Variants in STAT1 observed in about 807,000 individuals in gnomAD.
STAT1 encodes the protein signal transducer and activator of transcription 1-alpha/beta.
In STAT1, 24 loss-of-function variants were observed where a neutral mutation model predicts 111.7. That is an observed-to-expected ratio of 0.21 (90% CI 0.16 to 0.30). The LOEUF is 0.30. Ranked by LOEUF, STAT1 falls within the 10% of genes least tolerant of loss-of-function variation. The pLI, the probability that STAT1 is intolerant of heterozygous loss-of-function variation, is 1.00. For synonymous variants in STAT1, 332 were observed against 326.5 expected (o/e 1.02, Z -0.18); for missense variants, 351 against 911.9 (o/e 0.38, Z 7.92).
In STAT1 at chr2:190,978,733, G is replaced by A; in HGVS notation, c.1873+123C>T. The A allele has an allele frequency of 7.8e-7, 1 of 1,289,800 alleles. No individual in the cohort carries two copies. The highest frequency in any genetic ancestry group is 1.1e-6 in the Non-Finnish European group (1 of 919,198). 79.9% of individuals were successfully genotyped at this position (1,289,800 alleles called of 1,614,324 possible). On this transcript the variant is annotated intron_variant, in intron 21 of 24. Coordinates refer to ENST00000361099, the MANE Select transcript of STAT1 (RefSeq NM_007315.4). The surrounding 1 kb of genome is among the most constrained non-coding windows in gnomAD (Gnocchi z 6.1). Reference sequence around the variant, plus strand: ...TAAATCCTATCGGGGGCTCATTTGGGGTAAGTATAAGATCTGCAATTTCAT... The same window carrying A: ...TAAATCCTATCGGGGGCTCATTTGGAGTAAGTATAAGATCTGCAATTTCAT...
chr2:190,997,755 G>A lies in STAT1; in HGVS notation c.785+101C>T, dbSNP rs1693964562. ...GGACTATGTCAAACTCTATACTAAT[G>A]TTTTGACAGGGTCCATTCAACTAAC... On this transcript the variant is annotated intron_variant, in intron 9 of 24. Coordinates refer to ENST00000361099, the MANE Select transcript of STAT1 (RefSeq NM_007315.4). The surrounding 1 kb of genome is among the most constrained non-coding windows in gnomAD (Gnocchi z 7.3). 3.2e-6 allele frequency: 5 copies of A among 1,540,706 alleles called. No homozygotes were observed. The Admixed American group carries it at 5.1e-5, about 16-fold the overall frequency.
At position 190,977,431 on chromosome 2, in the gene STAT1, A is replaced by G. The variant is rs1280170298; in HGVS notation, c.1874-406T>C. Among the ~76,000 whole-genome samples the G allele has an allele frequency of 6.6e-6, 1 of 152,216 alleles. No homozygotes were observed. Among genetic ancestry groups the G allele is most frequent in the Non-Finnish European group, 1.5e-5 (1 of 68,042 alleles). ...AAACTCACTTTGTTTTTCTTTTCAT[A>G]TTGAAAAATCTAATTTTTTATTAAA... On this transcript the variant is annotated intron_variant, in intron 21 of 24. Transcript: ENST00000361099. This position sits in a 1 kb window ranked among gnomAD's most constrained non-coding sequence, Gnocchi z 4.7.
In STAT1 at chr2:190,992,192, G is replaced by GAA. The variant is rs1286157201; in HGVS notation, c.945-874_945-873dup. On this transcript the variant is annotated intron_variant, in intron 10 of 24. Coordinates refer to ENST00000361099, the MANE Select transcript of STAT1 (RefSeq NM_007315.4). Reference sequence around the variant, plus strand: ...ATCTTTCCATTTATAACTCTACAAGGAAGAACTAGCAAATCAGATCTTACA... The same window carrying GAA: ...ATCTTTCCATTTATAACTCTACAAGGAAAAGAACTAGCAAATCAGATCTTACA... 2.0e-5 allele frequency among the ~76,000 whole-genome samples: 3 copies of GAA among 152,096 alleles called. No individual in the cohort carries two copies. The East Asian group carries it at 5.8e-4, about 29-fold the overall frequency.
Position 190,982,887 on chromosome 2 carries a change from G to A in STAT1, c.1447-369C>T, listed in dbSNP as rs1692495696. Among the ~76,000 whole-genome samples the A allele has an allele frequency of 1.3e-5, 2 of 152,122 alleles. No homozygotes were observed. The highest frequency in any genetic ancestry group is 4.8e-5 in the African/African-American group (2 of 41,424). ...CTGTTTCACCTCTCATAAGAAAAAC[G>A]TGTCCTTTTTGAAGCCTATTTAGCG... On this transcript the variant is annotated intron_variant, in intron 17 of 24. Coordinates refer to ENST00000361099, the MANE Select transcript of STAT1 (RefSeq NM_007315.4). This position sits in a 1 kb window ranked among gnomAD's most constrained non-coding sequence, Gnocchi z 7.3.
At position 191,014,063 on chromosome 2, in the gene STAT1, A is replaced by G; in HGVS notation, c.-201T>C. On this transcript the variant is annotated 5_prime_UTR_variant, in exon 1 of 25. Transcript: ENST00000361099. ...GGGCTAGGCGGGGGCGCGGCGGTGC[A>G]GCCTCTCCCGAGCGCGCTGGGTCGC... The G allele has an allele frequency of 1.2e-5, 2 of 170,302 alleles. 1 individual carries two copies. Among genetic ancestry groups the G allele is most frequent in the East Asian group, 3.1e-4 (2 of 6,486 alleles). 10.5% of individuals were successfully genotyped at this position (170,302 alleles called of 1,614,324 possible).
Position 190,990,684 on chromosome 2 carries a change from G to A in STAT1, c.1037+544C>T, listed in dbSNP as rs1693249476. On this transcript the variant is annotated intron_variant, in intron 11 of 24. Coordinates refer to ENST00000361099, the MANE Select transcript of STAT1 (RefSeq NM_007315.4). This position sits in a 1 kb window ranked among gnomAD's most constrained non-coding sequence, Gnocchi z 5.1. ...GAAACATTATGTCATGTTTGTGCGTGTGTGTTTCCGTATGAAATATATATT... is the reference window on the plus strand; with the variant it reads ...GAAACATTATGTCATGTTTGTGCGTATGTGTTTCCGTATGAAATATATATT... Among the ~76,000 whole-genome samples the A allele has an allele frequency of 6.6e-6, 1 of 152,198 alleles. No individual in the cohort carries two copies. The highest frequency in any genetic ancestry group is 1.5e-5 in the Non-Finnish European group (1 of 68,040).
rs1008846278 is a variant in STAT1 at position 191,000,339 on chromosome 2, G to A, written c.463-635C>T. 2.6e-5 allele frequency among the ~76,000 whole-genome samples: 4 copies of A among 152,168 alleles called. No homozygotes were observed. Among genetic ancestry groups the A allele is most frequent in the Non-Finnish European group, 5.9e-5 (4 of 68,040 alleles). On this transcript the variant is annotated intron_variant, in intron 6 of 24. Coordinates refer to ENST00000361099, the MANE Select transcript of STAT1 (RefSeq NM_007315.4). The surrounding 1 kb of genome is among the most constrained non-coding windows in gnomAD (Gnocchi z 4.8). ...ACTTTAATGAAATGTTTCCCTAGGAGACCGCAAGATGAAGTTGCTCCAAAG... is the reference window on the plus strand; with the variant it reads ...ACTTTAATGAAATGTTTCCCTAGGAAACCGCAAGATGAAGTTGCTCCAAAG...
Position 190,970,832 on chromosome 2 carries a change from T to G in STAT1, c.2239-115A>C. 1 of 1,008,304 alleles carries G rather than the reference T, an allele frequency of 9.9e-7. No individual in the cohort carries two copies. The highest frequency in any genetic ancestry group is 1.6e-6 in the Non-Finnish European group (1 of 645,002). 62.5% of individuals were successfully genotyped at this position (1,008,304 alleles called of 1,614,324 possible). ...TGAAGTAGTAGGAAGATACTTGCAA[T>G]GGCAAATAAATACCGTGGAATAAGA... On this transcript the variant is annotated intron_variant, in intron 24 of 24. Transcript: ENST00000361099. This position sits in a 1 kb window ranked among gnomAD's most constrained non-coding sequence, Gnocchi z 5.4.
At position 190,970,767 on chromosome 2, in the gene STAT1, T is replaced by C; in HGVS notation, c.2239-50A>G. 1 of 1,536,768 alleles carries C rather than the reference T, an allele frequency of 6.5e-7. No homozygotes were observed. Among genetic ancestry groups the C allele is most frequent in the Non-Finnish European group, 9.0e-7 (1 of 1,110,750 alleles). ...AGTTTATTACACTGATCTTGTGAAA[T>C]GCAGACTCATACATTAAACATTGCT... is the stretch of plus-strand genomic sequence containing the variant. On this transcript the variant is annotated intron_variant, in intron 24 of 24. Transcript: ENST00000361099. The surrounding 1 kb of genome is among the most constrained non-coding windows in gnomAD (Gnocchi z 5.4).
rs1287226633 is a variant in STAT1, at chr2:190,973,356, G to T, written c.2238+1474C>A. ...TCAAGTTACATAAAAGGGGCTGTGT[G>T]GGGAGGAGGGGCTCTGTTCCCACAT... On this transcript the variant is annotated intron_variant, in intron 24 of 24. Coordinates refer to ENST00000361099, the MANE Select transcript of STAT1 (RefSeq NM_007315.4). This position sits in a 1 kb window ranked among gnomAD's most constrained non-coding sequence, Gnocchi z 4.4. Among the ~76,000 whole-genome samples the T allele has an allele frequency of 6.6e-6, 1 of 152,156 alleles. No homozygotes were observed. The highest frequency in any genetic ancestry group is 1.5e-5 in the Non-Finnish European group (1 of 68,036).
rs182394503 is a variant in STAT1 at position 190,970,297 on chromosome 2, C to T, written c.*406G>A. 13 of 255,836 alleles carry T rather than the reference C, an allele frequency of 5.1e-5. No homozygotes were observed. The highest frequency in any genetic ancestry group is 8.5e-5 in the Non-Finnish European group (11 of 129,096). 15.8% of individuals were successfully genotyped at this position (255,836 alleles called of 1,614,324 possible). On this transcript the variant is annotated 3_prime_UTR_variant, in exon 25 of 25. Transcript: ENST00000361099. The surrounding 1 kb of genome is among the most constrained non-coding windows in gnomAD (Gnocchi z 5.4). ...CTCCCACAGAAATTTACCGTTCCTACGTCAAGCAGTTCCCTAAATAACCAC... is the reference window on the plus strand; with the variant it reads ...CTCCCACAGAAATTTACCGTTCCTATGTCAAGCAGTTCCCTAAATAACCAC...
rs567848896 is a variant in STAT1, at chr2:190,979,591, A to G, written c.1727+181T>C. Among the ~76,000 whole-genome samples, 1 of 152,226 alleles carries G rather than the reference A, an allele frequency of 6.6e-6. No individual in the cohort carries two copies. The highest frequency in any genetic ancestry group is 2.1e-4 in the South Asian group (1 of 4,820). The stretch of plus-strand genomic sequence containing the variant: ...TGCCAATACATATACTTGTACTAAG[A>G]AAGTGTAAGGTTAATGTTATGAGGT... On this transcript the variant is annotated intron_variant, in intron 20 of 24. Transcript: ENST00000361099. The surrounding 1 kb of genome is among the most constrained non-coding windows in gnomAD (Gnocchi z 5.8).
Position 190,983,693 on chromosome 2 carries a change from C to T in STAT1, c.1395G>A (p.Pro465=), listed in dbSNP as rs774119065. ...ACCAAAGGATGGAGGCCCAACCGCT[C>T]GGGAGCTGGCTGACGTTGGAGATCA... ...VVVISNVSQL[P]SGWASILWYN... The change falls in exon 17 of 25, where the codon CCG becomes CCA. Residue 465 remains proline, a synonymous_variant. Transcript: ENST00000361099. This position sits in a 1 kb window ranked among gnomAD's most constrained non-coding sequence, Gnocchi z 5.7. The T allele has an allele frequency of 1.4e-5, 22 of 1,613,978 alleles. No individual in the cohort carries two copies. The East Asian group carries it at 3.1e-4, about 23-fold the overall frequency.
rs1012722530 is a variant in STAT1 at position 191,007,755 on chromosome 2, C to T, written c.274-94G>A. 15 of 900,410 alleles carry T rather than the reference C, an allele frequency of 1.7e-5. No individual in the cohort carries two copies. Among genetic ancestry groups the T allele is most frequent in the East Asian group, 1.5e-4 (6 of 40,656 alleles). The allele number at this position is 900,410 out of a possible 1,614,324, so 55.8% of individuals were successfully genotyped here. On this transcript the variant is annotated intron_variant, in intron 4 of 24. Transcript: ENST00000361099. The surrounding 1 kb of genome is among the most constrained non-coding windows in gnomAD (Gnocchi z 4.2). ...TTGATATGAATTTGTTTATATTCTC[C>T]GGGAAACCTCATCTCTCATCTATTA... is the stretch of plus-strand genomic sequence containing the variant.
chr2:191,009,746 T>C, intron 3 of STAT1, 130 bp downstream of exon 3: 1 of 1,363,846 alleles, frequency 7.3e-7, no homozygotes, highest in Admixed American at 1.7e-5. Flanking sequence ...ATCAACAAAC[T>C]TTTCTACAAC....
Position 190,999,756 on chromosome 2 carries a change from C to G in STAT1, c.463-52G>C, listed in dbSNP as rs1389191971. On this transcript the variant is annotated intron_variant, in intron 6 of 24. Coordinates refer to ENST00000361099, the MANE Select transcript of STAT1 (RefSeq NM_007315.4). This position sits in a 1 kb window ranked among gnomAD's most constrained non-coding sequence, Gnocchi z 4.1. The stretch of plus-strand genomic sequence containing the variant: ...TCTACTGATCAGCAACTTCCAAAGA[C>G]TTTAGGCAACAGAGTATTGCTTCTA... The G allele has an allele frequency of 2.3e-6, 3 of 1,310,386 alleles. No homozygotes were observed. The highest frequency in any genetic ancestry group is 3.3e-6 in the Non-Finnish European group (3 of 907,570). 81.2% of individuals were successfully genotyped at this position (1,310,386 alleles called of 1,614,324 possible).
In STAT1 at chr2:190,984,156, C is replaced by G. The variant is rs1692600432; in HGVS notation, c.1347+154G>C. On this transcript the variant is annotated intron_variant, in intron 16 of 24. Transcript: ENST00000361099. This position sits in a 1 kb window ranked among gnomAD's most constrained non-coding sequence, Gnocchi z 5.2. The stretch of plus-strand genomic sequence containing the variant: ...AATTCAATTGTCTAGCTTTCTGGAC[C>G]ATAAATTAAGGTTAAGATAGTATTA... Among the ~76,000 whole-genome samples the G allele has an allele frequency of 6.6e-6, 1 of 151,802 alleles. No individual in the cohort carries two copies.
Position 190,983,587 on chromosome 2 carries a change from G to A in STAT1, c.1446+55C>T, listed in dbSNP as rs900504279. On this transcript the variant is annotated intron_variant, in intron 17 of 24. Transcript: ENST00000361099. The surrounding 1 kb of genome is among the most constrained non-coding windows in gnomAD (Gnocchi z 5.7). The stretch of plus-strand genomic sequence containing the variant: ...GGGGCTATTTCAGAGATGCAGCAGT[G>A]AGAGCGTGGGGTCTCTGCTTAACCC... 1.9e-5 allele frequency: 29 copies of A among 1,492,820 alleles called. No homozygotes were observed. The highest frequency in any genetic ancestry group is 1.5e-4 in the Admixed American group (9 of 59,806). 92.5% of individuals were successfully genotyped at this position (1,492,820 alleles called of 1,614,324 possible).
Position 190,982,779 on chromosome 2 carries a change from CACACACAGCA to C in STAT1, c.1447-271_1447-262del, listed in dbSNP as rs1692486897. 1.3e-5 allele frequency among the ~76,000 whole-genome samples: 2 copies of C among 152,206 alleles called. No homozygotes were observed. The highest frequency in any genetic ancestry group is 4.8e-5 in the African/African-American group (2 of 41,454). On this transcript the variant is annotated intron_variant, in intron 17 of 24. Coordinates refer to ENST00000361099, the MANE Select transcript of STAT1 (RefSeq NM_007315.4). This position sits in a 1 kb window ranked among gnomAD's most constrained non-coding sequence, Gnocchi z 7.3. ...GGGGTCATTTGAAGACACACCCGTG[CACACACAGCA>C]GCACACAGCAGCAAAGAATTCGAGT...
Sources: allele counts gnomAD v4.1 joint callset (sites outside exome capture counted in the v4.1 genomes callset), GRCh38; gene constraint gnomAD v4.1.1; non-coding constraint Gnocchi (gnomAD v3.1); transcripts MANE v1.5; gene names NCBI Gene and HGNC (gene_info 2026-07-23, HGNC 2026-07-21).